Variants in FBXO34 observed in about 807,000 individuals in gnomAD.
The protein encoded by FBXO34 is F-box only protein 34.
In FBXO34, 12 loss-of-function variants were observed where a neutral mutation model predicts 24.5. The observed-to-expected ratio is 0.49, with a 90% confidence interval of 0.31 to 0.79. The LOEUF is 0.79. Ranked by LOEUF, FBXO34 falls within the 30% of genes least tolerant of loss-of-function variation. The probability of loss-of-function intolerance (pLI) is 0.04; values close to 1 mark genes in which losing one functional copy is unlikely to be tolerated. For synonymous variants in FBXO34, 320 were observed against 311.9 expected (o/e 1.03, Z -0.27); for missense variants, 823 against 857.7 (o/e 0.96, Z 0.51).
downstream of FBXO34, among the ~76,000 whole-genome samples, chr14:55,365,213 C>T (rs1410454872): frequency 1.0e-3 from 145 of 138,336 alleles, no homozygotes; most frequent in African/African-American, 3.7e-3. Flanking sequence ...TCTATCATCT[C>T]TTCTATCATC....
chr14:55,278,589 A>G (rs1255498250), intron 1 of FBXO34, among the ~76,000 whole-genome samples: 2 of 152,208 alleles, frequency 1.3e-5, no homozygotes, highest in Non-Finnish European at 2.9e-5. Flanking sequence ...CTACAACCTC[A>G]TGCTATCAAG....
At chr14:55,371,085 C>T (rs550243732), downstream of FBXO34, among the ~76,000 whole-genome samples, 30 of 152,296 alleles carry the variant, frequency 2.0e-4, no homozygotes, top group Non-Finnish European at 3.8e-4. Context: ...CAGGGTGGGA[C>T]CAAGGTGCCG....
chr14:55,315,002 T>C (rs1300272954), intron 1 of FBXO34, among the ~76,000 whole-genome samples: 1 of 152,248 alleles, frequency 6.6e-6, no homozygotes, highest in Non-Finnish European at 1.5e-5. Flanking sequence ...TTGATTTCCA[T>C]TGTGGCACTT....
chr14:55,435,227 C>T, the FBXO34 span, among the ~76,000 whole-genome samples: 3 of 151,784 alleles, frequency 2.0e-5, no homozygotes, highest in South Asian at 6.2e-4. Flanking sequence ...AAATTATTTC[C>T]AGAAATTTGA....
intron 1 of FBXO34, among the ~76,000 whole-genome samples, chr14:55,283,944 ATG>A (rs71131258): frequency 0.011 from 1,618 of 142,504 alleles, 12 homozygotes; most frequent in Non-Finnish European, 0.014. Context: ...TTCTAAGACT[ATG>A]TGTGTGTGTG....
chr14:55,435,781 G>T, the FBXO34 span: 4 of 1,190,160 alleles, frequency 3.4e-6, no homozygotes, highest in South Asian at 4.3e-5. Flanking sequence ...TCAATATCAT[G>T]ATCATATTAA....
In FBXO34 at chr14:55,305,162, C is replaced by T. The variant is rs535886880; in HGVS notation, c.-11+33625C>T. Among the ~76,000 whole-genome samples, 6 of 152,284 alleles carry T rather than the reference C, an allele frequency of 3.9e-5. No individual in the cohort carries two copies. The South Asian group carries it at 8.3e-4, about 21-fold the overall frequency. ...GCCTGATGGCTCATGCCTATAATCCCGACACTTCAGGAGGTCGAGGCGGGT... is the reference window on the plus strand; with the variant it reads ...GCCTGATGGCTCATGCCTATAATCCTGACACTTCAGGAGGTCGAGGCGGGT... On this transcript the variant is annotated intron_variant, in intron 1 of 1. Transcript: ENST00000313833.
the FBXO34 span, among the ~76,000 whole-genome samples, chr14:55,439,525 C>T: frequency 2.7e-5 from 4 of 150,630 alleles, no homozygotes; most frequent in African/African-American, 7.3e-5. Flanking sequence ...AGTGGTGGCT[C>T]ACGCCTGAAA....
At chr14:55,338,647 G>A (rs189177648) in intron 1 of FBXO34, among the ~76,000 whole-genome samples, 3 of 152,154 alleles carry the variant, frequency 2.0e-5, no homozygotes, top group African/African-American at 4.8e-5. Context: ...GGTGCCTCAC[G>A]CCTGTAATCC....
At chr14:55,426,948 C>A in the FBXO34 span, among the ~76,000 whole-genome samples, 1 of 141,042 alleles carries the variant, frequency 7.1e-6, no homozygotes, top group Non-Finnish European at 1.5e-5. Context: ...GAACCACACA[C>A]ATCATTTTCG....
the FBXO34 span, chr14:55,411,945 G>T: frequency 1.1e-6 from 1 of 879,212 alleles, no homozygotes; most frequent in Non-Finnish European, 1.7e-6. Context: ...CCCCTCCGCC[G>T]CCGCGTGTTC....
chr14:55,382,459 G>A, the FBXO34 span, among the ~76,000 whole-genome samples: 1 of 152,100 alleles, frequency 6.6e-6, no homozygotes, highest in Non-Finnish European at 1.5e-5. Flanking sequence ...GGGACTACAG[G>A]TACCTACCTA....
intron 1 of FBXO34, among the ~76,000 whole-genome samples, chr14:55,318,985 C>T (rs1883035646): frequency 6.6e-6 from 1 of 152,158 alleles, no homozygotes; most frequent in African/African-American, 2.4e-5. Context: ...GGTCATCTCA[C>T]AGTCCACTAA....
intron 1 of FBXO34, among the ~76,000 whole-genome samples, chr14:55,287,590 C>T (rs1881804706): frequency 6.6e-6 from 1 of 152,124 alleles, no homozygotes; most frequent in Admixed American, 6.5e-5. Context: ...TCAGTCCCCA[C>T]CTATGATGTT....
the FBXO34 span, chr14:55,411,743 A>T: frequency 1.2e-6 from 2 of 1,610,408 alleles, no homozygotes; most frequent in Admixed American, 3.3e-5. Flanking sequence ...CACGGAGTCC[A>T]CCAGGTCCCG....
chr14:55,275,685 G>A (rs1029152300), intron 1 of FBXO34, among the ~76,000 whole-genome samples: 2 of 151,692 alleles, frequency 1.3e-5, no homozygotes, highest in Non-Finnish European at 2.9e-5. Context: ...TTAGCCAGGC[G>A]TGGTGGCGGG....
intron 1 of FBXO34, among the ~76,000 whole-genome samples, chr14:55,294,408 C>G (rs185765352): frequency 6.6e-6 from 1 of 152,202 alleles, no homozygotes; most frequent in Non-Finnish European, 1.5e-5. Flanking sequence ...TGACTTCAAC[C>G]TCCCAAGTAG....
At chr14:55,319,578 C>T (rs938598179) in intron 1 of FBXO34, among the ~76,000 whole-genome samples, 1 of 152,178 alleles carries the variant, frequency 6.6e-6, no homozygotes, top group African/African-American at 2.4e-5. Context: ...CTGGGATTCT[C>T]TTTCCCTGAA....
At chr14:55,278,532 C>G (rs559712085) in intron 1 of FBXO34, among the ~76,000 whole-genome samples, 15 of 152,112 alleles carry the variant, frequency 9.9e-5, no homozygotes, top group African/African-American at 3.1e-4. Flanking sequence ...GCTCAGCTTC[C>G]GTGGTTTTGG....
Sources: allele counts gnomAD v4.1 joint callset (sites outside exome capture counted in the v4.1 genomes callset), GRCh38; gene constraint gnomAD v4.1.1; transcripts MANE v1.5; gene names NCBI Gene and HGNC (gene_info 2026-07-23, HGNC 2026-07-21).